ANKS3: variants seen among roughly 807,000 people sequenced by gnomAD.
The protein encoded by ANKS3 is ankyrin repeat and sterile alpha motif domain containing 3.
ANKS3 carries 62 observed loss-of-function variants against 80.7 expected under a neutral mutation model. That is an observed-to-expected ratio of 0.77 (90% confidence interval 0.63 to 0.95). The LOEUF is 0.95. Ranked by LOEUF, ANKS3 falls within the 40% of genes least tolerant of loss-of-function variation. The pLI is 0.00. For missense variants in ANKS3, 1,150 were observed against 883.6 expected (o/e 1.30, Z -3.82); for synonymous variants, 489 against 355.3 (o/e 1.38, Z -4.23).
At chr16:4,702,303 C>T (rs769803079) in intron 8 of ANKS3, 61 bp from the exon 9 acceptor site, 39 of 1,399,694 alleles carry the variant, frequency 2.8e-5, no homozygotes, top group Admixed American at 3.5e-5. Flanking sequence ...CCTCAGAGGC[C>T]GAGGCCCAGG....
chr16:4,726,577 G>T, intron 5 of ANKS3, 82 bp downstream of exon 5: 1 of 1,507,714 alleles, frequency 6.6e-7, no homozygotes, highest in East Asian at 2.3e-5. Flanking sequence ...CTAAACTCTG[G>T]TTAGCTGCCT....
At chr16:4,697,202 C>T in intron 16 of ANKS3, 98 bp from the exon 17 acceptor site, 2 of 1,552,960 alleles carry the variant, frequency 1.3e-6, no homozygotes, top group Non-Finnish European at 1.8e-6. Context: ...CTGCCCCTCA[C>T]CCGTTATGGC....
chr16:4,709,335 G>C (rs900330670), intron 7 of ANKS3, among the ~76,000 whole-genome samples: 13 of 151,730 alleles, frequency 8.6e-5, no homozygotes, highest in Non-Finnish European at 1.9e-4. Context: ...GAACCCGGGA[G>C]GTGGAGGTTG....
intron 7 of ANKS3, among the ~76,000 whole-genome samples, chr16:4,706,683 G>A (rs1448215976): frequency 2.0e-5 from 3 of 152,148 alleles, no homozygotes; most frequent in African/African-American, 7.2e-5. Flanking sequence ...TTTGTATAAG[G>A]CTCTGATCTG....
chr16:4,702,783 C>T (rs896847049), intron 8 of ANKS3, among the ~76,000 whole-genome samples: 2 of 151,910 alleles, frequency 1.3e-5, no homozygotes, highest in Non-Finnish European at 2.9e-5. Context: ...CCTCTAAAAC[C>T]AAGCAGAAAA....
In ANKS3 at chr16:4,697,263, T is replaced by A; in HGVS notation, c.1894+70A>T. On this transcript the variant is annotated intron_variant, in intron 16 of 17. Transcript: ENST00000304283. ...TAGAGAGACACAAACCCGCTTTCCC[T>A]GGAAAGGGGTCCCTTTGCCTCCCTC... 2.6e-6 allele frequency: 4 copies of A among 1,549,092 alleles called. No homozygotes were observed. In the South Asian group the frequency reaches 4.6e-5, roughly 18 times the overall value.
chr16:4,729,574 T>C (rs1164374429), intron 3 of ANKS3: 1 of 152,876 alleles, frequency 6.5e-6, no homozygotes, highest in African/African-American at 2.4e-5. Flanking sequence ...TTATCCAGAA[T>C]GGTCTCAAAC....
Position 4,697,970 on chromosome 16 carries a change from C to T in ANKS3, c.1810+7G>A, listed in dbSNP as rs201092686. ...TGCCCAGTGCGGAGTCAGGCCACTGCTCTTACCAGCTGGGGGGACGGCTAG... is the reference window on the plus strand; with the variant it reads ...TGCCCAGTGCGGAGTCAGGCCACTGTTCTTACCAGCTGGGGGGACGGCTAG... On this transcript the variant is annotated splice_region_variant and intron_variant, in intron 15 of 17. Transcript: ENST00000304283. 6.3e-7 allele frequency: 1 copy of T among 1,580,310 alleles called. No homozygotes were observed. The highest frequency in any genetic ancestry group is 8.6e-7 in the Non-Finnish European group (1 of 1,164,668).
At position 4,726,679 on chromosome 16, in the gene ANKS3, A is replaced by G. The variant is rs1393981935; in HGVS notation, c.471T>C (p.Ser157=). 1 of 1,613,924 alleles carries G rather than the reference A, an allele frequency of 6.2e-7. No homozygotes were observed. Among genetic ancestry groups the G allele is most frequent in the East Asian group, 2.2e-5 (1 of 44,888 alleles). ...ATCACCTCACGTTGGCATTGGCTCC[A>G]CTGTCCAAGAGGAACCTGACCATGT... ...HQHMVRFLLD[S]GANANVREPI... The change falls in exon 5 of 18, where the codon AGT becomes AGC. Residue 157 remains serine (S), a synonymous_variant. Transcript: ENST00000304283.
chr16:4,705,864 A>G (rs1596368933), intron 7 of ANKS3, among the ~76,000 whole-genome samples: 1 of 152,120 alleles, frequency 6.6e-6, no homozygotes, highest in Non-Finnish European at 1.5e-5. Context: ...CCATCTCTTC[A>G]TTAAAATATA....
At chr16:4,699,028 C>A in intron 12 of ANKS3, 24 bp downstream of exon 12, 1 of 1,614,172 alleles carries the variant, frequency 6.2e-7, no homozygotes, top group South Asian at 1.1e-5. Context: ...GGGCTGAGGG[C>A]CAGAGCGGCC....
At chr16:4,723,750 C>T (rs2081221048) in intron 6 of ANKS3, among the ~76,000 whole-genome samples, 1 of 152,150 alleles carries the variant, frequency 6.6e-6, no homozygotes, top group Non-Finnish European at 1.5e-5. Context: ...ATGAATAATA[C>T]TGCTATGAAT....
At chr16:4,710,878 A>C (rs2080449217) in intron 7 of ANKS3, among the ~76,000 whole-genome samples, 1 of 152,154 alleles carries the variant, frequency 6.6e-6, no homozygotes, top group Non-Finnish European at 1.5e-5. Flanking sequence ...GGCTTACTGC[A>C]ATCTCCCCCT....
chr16:4,714,144 G>A lies in ANKS3; in HGVS notation c.616C>T (p.Arg206Trp), dbSNP rs140349298. 1.2e-5 allele frequency: 20 copies of A among 1,613,986 alleles called. No homozygotes were observed. The highest frequency in any genetic ancestry group is 1.4e-5 in the Non-Finnish European group (17 of 1,180,020). ...DARDHSGATARMLAKQYGHMK... is the reference protein window; with the variant it reads ...DARDHSGATAWMLAKQYGHMK... The stretch of plus-strand genomic sequence containing the variant: ...TGTCCGTACTGCTTGGCCAGCATCC[G>A]GGCTGTGGCTCCACTGTGGTCTCTC... The change falls in exon 7 of 18, where the codon CGG (arginine) becomes TGG (tryptophan). Residue 206 changes from arginine to tryptophan, a missense_variant. By Grantham distance (101) the Arg-to-Trp change is moderately radical (BLOSUM62 -3). Transcript: ENST00000304283.
chr16:4,728,730 C>T (rs1001103919), intron 3 of ANKS3, among the ~76,000 whole-genome samples: 2 of 152,130 alleles, frequency 1.3e-5, no homozygotes, highest in African/African-American at 4.8e-5. Flanking sequence ...CTCTATGGAG[C>T]GGTTATGGAC....
chr16:4,696,938 G>T (rs369299095), intron 17 of ANKS3, 42 bp from the exon 18 acceptor site: 3 of 1,305,846 alleles, frequency 2.3e-6, no homozygotes, highest in East Asian at 2.4e-5. Flanking sequence ...GGGACAGGTG[G>T]GTGCATACCC....
rs550618303 is a variant in ANKS3, at chr16:4,716,743, C to T, written c.574-2557G>A. On this transcript the variant is annotated intron_variant, in intron 6 of 17. Transcript: ENST00000304283. ...CAGCCTGGGCAATGTGGTGAAACCC[C>T]GTCTCTACTAAAAAATACAAAAATT... Among the ~76,000 whole-genome samples the T allele has an allele frequency of 2.6e-4, 40 of 151,118 alleles. No individual in the cohort carries two copies. The East Asian group carries it at 7.2e-3, about 27-fold the overall frequency.
chr16:4,697,195 C>T (rs1567281808), intron 16 of ANKS3, 91 bp from the exon 17 acceptor site: 3 of 1,560,724 alleles, frequency 1.9e-6, no homozygotes, highest in Non-Finnish European at 2.6e-6. Flanking sequence ...ATGTGACCTG[C>T]CCCTCACCCG....
At chr16:4,722,904 C>G (rs1452367014) in intron 6 of ANKS3, among the ~76,000 whole-genome samples, 1 of 148,036 alleles carries the variant, frequency 6.8e-6, no homozygotes, top group Non-Finnish European at 1.5e-5. Context: ...CCAGCCTGGG[C>G]GACACAGCAC....
Sources: allele counts gnomAD v4.1 joint callset (sites outside exome capture counted in the v4.1 genomes callset), GRCh38; gene constraint gnomAD v4.1.1; transcripts MANE v1.5; gene names NCBI Gene and HGNC (gene_info 2026-07-23, HGNC 2026-07-21).